DSCAM: variants seen among roughly 807,000 people sequenced by gnomAD.
DSCAM encodes cell adhesion molecule DSCAM.
Under a neutral mutation model 217.7 loss-of-function variants are expected in DSCAM, and 47 were observed. The observed-to-expected ratio is 0.22, with a 90% CI of 0.17 to 0.28. The LOEUF (loss-of-function observed/expected upper bound fraction) is 0.28, where lower values mean the gene tolerates loss of function less well. Ranked by LOEUF, DSCAM falls within the 10% of genes least tolerant of loss-of-function variation. The pLI is 1.00. For synonymous variants in DSCAM, 1,056 were observed against 1,015.3 expected (o/e 1.04, Z -0.76); for missense variants, 2,080 against 2,618.3 (o/e 0.79, Z 4.49).
At chr21:40,742,390 G>A (rs1240005494) in intron 1 of DSCAM, among the ~76,000 whole-genome samples, 2 of 152,242 alleles carry the variant, frequency 1.3e-5, no homozygotes, top group Non-Finnish European at 2.9e-5. Context: ...AAGGGGTCAG[G>A]AGCCAAGGAA....
At chr21:40,700,536 T>G (rs1380731766) in intron 2 of DSCAM, among the ~76,000 whole-genome samples, 1 of 152,166 alleles carries the variant, frequency 6.6e-6, no homozygotes, top group Non-Finnish European at 1.5e-5. Context: ...AATGTATTAT[T>G]CCTTTTATAT....
At chr21:40,775,451 GA>G (rs2091479840) in intron 1 of DSCAM, among the ~76,000 whole-genome samples, 1 of 152,196 alleles carries the variant, frequency 6.6e-6, no homozygotes, top group Non-Finnish European at 1.5e-5. Flanking sequence ...TGGACTAAGT[GA>G]GGAAGATTTG....
At chr21:40,425,532 C>CA (rs1208221936) in intron 3 of DSCAM, among the ~76,000 whole-genome samples, 1 of 131,914 alleles carries the variant, frequency 7.6e-6, no homozygotes, top group African/African-American at 3.4e-5. Flanking sequence ...AATTTTTTTA[C>CA]CCCCCCCTAA....
chr21:40,412,745 C>T (rs1244495968), intron 3 of DSCAM, among the ~76,000 whole-genome samples: 1 of 152,198 alleles, frequency 6.6e-6, no homozygotes, highest in African/African-American at 2.4e-5. Flanking sequence ...AGGAAAAATC[C>T]AGTTTGCTGC....
chr21:40,139,007 ATGTGTGGTGTG>A (rs1219478667), intron 18 of DSCAM, among the ~76,000 whole-genome samples: 2 of 124,288 alleles, frequency 1.6e-5, no homozygotes, highest in South Asian at 2.7e-4. Context: ...TGTGTGGTGT[ATGTGTGGTGTG>A]TGTGTAGTGT....
intron 3 of DSCAM, among the ~76,000 whole-genome samples, chr21:40,605,592 C>T (rs762492658): frequency 1.9e-4 from 29 of 152,188 alleles, no homozygotes; most frequent in Non-Finnish European, 3.2e-4. Context: ...AACATGGCTG[C>T]GTCCCAATAC....
At chr21:40,261,947 G>T (rs1417077030) in intron 11 of DSCAM, among the ~76,000 whole-genome samples, 1 of 152,014 alleles carries the variant, frequency 6.6e-6, no homozygotes, top group Non-Finnish European at 1.5e-5. Context: ...TCATGAGAAG[G>T]TCTAGTCTGA....
Position 40,530,124 on chromosome 21 carries a change from A to G in DSCAM, c.509-160879T>C, listed in dbSNP as rs552053504. Among the ~76,000 whole-genome samples the G allele has an allele frequency of 3.3e-5, 5 of 152,310 alleles. No homozygotes were observed. In the South Asian group the frequency reaches 8.3e-4, roughly 25 times the overall value. On this transcript the variant is annotated intron_variant, in intron 3 of 32. Transcript: ENST00000400454. Reference sequence around the variant, plus strand: ...GCTGTAGCTCCACACTGCCCCCAGAAGTGACTTGTCCAAACCAAGTGCACC... The same window carrying G: ...GCTGTAGCTCCACACTGCCCCCAGAGGTGACTTGTCCAAACCAAGTGCACC...
At chr21:40,709,846 T>C (rs902909319) in intron 1 of DSCAM, among the ~76,000 whole-genome samples, 1 of 152,242 alleles carries the variant, frequency 6.6e-6, no homozygotes, top group Non-Finnish European at 1.5e-5. Context: ...ATCTTTTGGG[T>C]GTATACCCAG....
chr21:40,785,640 G>A (rs2091586820), intron 1 of DSCAM, among the ~76,000 whole-genome samples: 1 of 152,164 alleles, frequency 6.6e-6, no homozygotes, highest in Admixed American at 6.5e-5. Flanking sequence ...GGCATGTAAT[G>A]GGACTCCCAG....
Position 40,044,053 on chromosome 21 carries a change from C to T in DSCAM, c.5383+25G>A, listed in dbSNP as rs369562900. ...CGGGGGCCGTGCTGGTCCCCAGGGA[C>T]GGAGGAGGCAGCGTCAGGGCCTACC... On this transcript the variant is annotated intron_variant, in intron 31 of 32. Coordinates refer to ENST00000400454, the MANE Select transcript of DSCAM (RefSeq NM_001389.5). 120 of 1,611,810 alleles carry T rather than the reference C, an allele frequency of 7.4e-5. No homozygotes were observed. In the Middle Eastern group the frequency reaches 1.2e-3, roughly 16 times the overall value.
At chr21:40,235,348 AAG>A (rs2146931537) in intron 11 of DSCAM, among the ~76,000 whole-genome samples, 1 of 152,294 alleles carries the variant, frequency 6.6e-6, no homozygotes, top group Non-Finnish European at 1.5e-5. Context: ...AGGAAAACAC[AAG>A]AGAGGAAGCT....
At chr21:40,271,381 A>G (rs141927863) in intron 11 of DSCAM, among the ~76,000 whole-genome samples, 6 of 152,260 alleles carry the variant, frequency 3.9e-5, no homozygotes, top group African/African-American at 1.2e-4. Flanking sequence ...GCAGCTCACA[A>G]AAGCAGAGCG....
At chr21:40,677,550 A>C (rs2090354306) in intron 3 of DSCAM, among the ~76,000 whole-genome samples, 1 of 152,168 alleles carries the variant, frequency 6.6e-6, no homozygotes, top group Non-Finnish European at 1.5e-5. Context: ...TGATCCCCCC[A>C]AAAAGTCAAG....
chr21:40,599,667 C>T (rs1416710401), intron 3 of DSCAM, among the ~76,000 whole-genome samples: 1 of 151,960 alleles, frequency 6.6e-6, no homozygotes, highest in Non-Finnish European at 1.5e-5. Context: ...TCAATGAATC[C>T]AGGAGCTGGT....
chr21:40,391,276 G>A (rs550127724), intron 3 of DSCAM, among the ~76,000 whole-genome samples: 1 of 152,284 alleles, frequency 6.6e-6, no homozygotes. Flanking sequence ...TAAATAAGAA[G>A]CCAATTTTAC....
chr21:40,358,802 GAA>G (rs199807503), intron 4 of DSCAM, among the ~76,000 whole-genome samples: 8 of 96,658 alleles, frequency 8.3e-5, no homozygotes, highest in Admixed American at 2.4e-4. Context: ...ACTCCATCTC[GAA>G]AAAAAAAAAA....
chr21:40,758,884 A>G (rs982534087), intron 1 of DSCAM, among the ~76,000 whole-genome samples: 2 of 152,194 alleles, frequency 1.3e-5, no homozygotes, highest in Admixed American at 1.3e-4. Flanking sequence ...CAGATGATAC[A>G]TAGTAGCATC....
chr21:40,410,755 A>T, intron 3 of DSCAM, among the ~76,000 whole-genome samples: 1 of 126,004 alleles, frequency 7.9e-6, no homozygotes, highest in East Asian at 2.3e-4. Context: ...TTCTCTATAC[A>T]GTACAAAAAA....
Sources: gnomAD v4.1 joint callset for allele counts (sites outside exome capture counted in the v4.1 genomes callset) on GRCh38, gnomAD v4.1.1 for gene constraint, MANE v1.5 for transcripts, NCBI Gene and HGNC (gene_info 2026-07-23, HGNC 2026-07-21) for gene names.